The following KCNQ5 variants were observed in gnomAD, a reference collection of about 807,000 sequenced individuals.
KCNQ5 encodes the protein potassium voltage-gated channel subfamily KQT member 5.
KCNQ5 carries 30 observed loss-of-function variants against 98.2 expected under a neutral mutation model. The observed-to-expected ratio is 0.31, with a 90% CI of 0.23 to 0.41. KCNQ5 has a LOEUF of 0.41. Among genes scored for constraint, KCNQ5 ranks in the 10% least tolerant of loss-of-function variants. KCNQ5 has a pLI of 1.00. For synonymous variants in KCNQ5, 458 were observed against 449.4 expected (o/e 1.02, Z -0.24); for missense variants, 835 against 1,182.5 (o/e 0.71, Z 4.31).
At chr6:73,040,904 G>A (rs557603390) in intron 2 of KCNQ5, among the ~76,000 whole-genome samples, 1 of 152,188 alleles carries the variant, frequency 6.6e-6, no homozygotes, top group South Asian at 2.1e-4. Flanking sequence ...AGGTTAGAAT[G>A]TTTACTTTCT....
intron 1 of KCNQ5, among the ~76,000 whole-genome samples, chr6:72,772,378 G>T (rs1772943064): frequency 6.6e-6 from 1 of 152,076 alleles, no homozygotes; most frequent in South Asian, 2.1e-4. Context: ...TAATGAACAA[G>T]TTTTAGAGAG....
rs565054587 is a variant in KCNQ5 at position 72,975,239 on chromosome 6, AT to A, written c.399-28658del. Among the ~76,000 whole-genome samples, 226 of 146,788 alleles carry A rather than the reference AT, an allele frequency of 1.5e-3. 2 individuals are homozygous for A. The highest frequency in any genetic ancestry group is 6.8e-4 in the Admixed American group (10 of 14,640). On this transcript the variant is annotated intron_variant, in intron 1 of 13. Coordinates refer to ENST00000370398, the MANE Select transcript of KCNQ5 (RefSeq NM_019842.4). ...TACCTACATAAAATCATCAACTTCA[AT>A]TTTTTTTTTTGGTCACAAAAAAAAG... is the stretch of plus-strand genomic sequence containing the variant.
intron 1 of KCNQ5, among the ~76,000 whole-genome samples, chr6:72,813,843 G>A (rs10943065): frequency 0.2 from 30,367 of 152,046 alleles, 3,247 homozygotes; most frequent in South Asian, 0.37. Context: ...TTGTTGCAAT[G>A]TTATTATTTT....
chr6:73,141,485 G>T (rs550817104), intron 10 of KCNQ5, among the ~76,000 whole-genome samples: 50 of 152,284 alleles, frequency 3.3e-4, no homozygotes, highest in African/African-American at 9.1e-4. Flanking sequence ...TCTAATCCAA[G>T]TGCTCTTTGT....
chr6:73,120,052 G>C (rs995552174), intron 7 of KCNQ5, among the ~76,000 whole-genome samples: 4 of 147,430 alleles, frequency 2.7e-5, no homozygotes, highest in Non-Finnish European at 4.5e-5. Flanking sequence ...AGCCTGGCCA[G>C]CATGGTGAAA....
At chr6:73,069,573 T>C (rs1773216655) in intron 3 of KCNQ5, among the ~76,000 whole-genome samples, 2 of 152,092 alleles carry the variant, frequency 1.3e-5, no homozygotes, top group African/African-American at 4.8e-5. Context: ...TAGCTTACTA[T>C]AGAAGAGACC....
intron 5 of KCNQ5, among the ~76,000 whole-genome samples, chr6:73,078,544 G>T (rs2150392622): frequency 6.6e-6 from 1 of 152,286 alleles, no homozygotes; most frequent in East Asian, 1.9e-4. Flanking sequence ...CCAGTAAGAT[G>T]TTAAAACCAG....
At chr6:72,916,558 A>G (rs941743012) in intron 1 of KCNQ5, among the ~76,000 whole-genome samples, 5 of 152,142 alleles carry the variant, frequency 3.3e-5, no homozygotes, top group Admixed American at 3.3e-4. Context: ...CGGAGAAGAA[A>G]AGCATGTTTG....
At chr6:72,818,322 A>G (rs998398432) in intron 1 of KCNQ5, among the ~76,000 whole-genome samples, 3 of 152,078 alleles carry the variant, frequency 2.0e-5, no homozygotes, top group African/African-American at 7.2e-5. Context: ...GATTTAATAA[A>G]TTTTCTGAGT....
At chr6:73,005,952 A>T (rs1461914245) in intron 2 of KCNQ5, among the ~76,000 whole-genome samples, 1 of 152,228 alleles carries the variant, frequency 6.6e-6, no homozygotes, top group African/African-American at 2.4e-5. Context: ...AGATTCACAG[A>T]TGAAATTCTT....
chr6:73,156,665 A>G (rs1384389877), intron 10 of KCNQ5, among the ~76,000 whole-genome samples: 1 of 152,238 alleles, frequency 6.6e-6, no homozygotes, highest in East Asian at 1.9e-4. Flanking sequence ...ATGAACTTCT[A>G]GCCCTCACAC....
Position 72,933,989 on chromosome 6 carries a change from G to A in KCNQ5, c.399-69919G>A, listed in dbSNP as rs551369972. On this transcript the variant is annotated intron_variant, in intron 1 of 13. Coordinates refer to ENST00000370398, the MANE Select transcript of KCNQ5 (RefSeq NM_019842.4). Reference sequence around the variant, plus strand: ...ATGTACACCATCTCTGAGCCCAGGAGTTAAAGGCTGCAATGAGCTATGATC... The same window carrying A: ...ATGTACACCATCTCTGAGCCCAGGAATTAAAGGCTGCAATGAGCTATGATC... Among the ~76,000 whole-genome samples the A allele has an allele frequency of 9.8e-5, 15 of 152,290 alleles. No homozygotes were observed. The South Asian group carries it at 3.1e-3, about 32-fold the overall frequency.
At chr6:72,775,847 G>A (rs749144319) in intron 1 of KCNQ5, among the ~76,000 whole-genome samples, 104 of 152,256 alleles carry the variant, frequency 6.8e-4, no homozygotes, top group Middle Eastern at 3.4e-3. Context: ...AACAAGGAAA[G>A]CCTGAGAACT....
intron 7 of KCNQ5, 21 bp downstream of exon 7, chr6:73,111,424 T>A: frequency 6.6e-7 from 1 of 1,513,964 alleles, no homozygotes; most frequent in Non-Finnish European, 9.1e-7. Context: ...ATGTAATAGG[T>A]AGATGGCAAC....
chr6:73,127,868 G>A (rs1179475001), intron 9 of KCNQ5, among the ~76,000 whole-genome samples: 13 of 152,170 alleles, frequency 8.5e-5, no homozygotes, highest in Admixed American at 8.5e-4. Flanking sequence ...TTCGAGACCA[G>A]CCTGGCCAAC....
chr6:72,767,824 G>A (rs1200087609), intron 1 of KCNQ5, among the ~76,000 whole-genome samples: 1 of 151,952 alleles, frequency 6.6e-6, no homozygotes, highest in African/African-American at 2.4e-5. Flanking sequence ...TAGTAAAAAA[G>A]GCAGATAATG....
intron 1 of KCNQ5, chr6:72,987,662 G>A (rs1004244981): frequency 2.1e-5 from 13 of 617,034 alleles, no homozygotes; most frequent in East Asian, 3.9e-5. Context: ...AAGTACAGCC[G>A]CGGAGCCCGT....
chr6:72,925,390 A>G (rs946558189), intron 1 of KCNQ5, among the ~76,000 whole-genome samples: 4 of 152,240 alleles, frequency 2.6e-5, no homozygotes, highest in Non-Finnish European at 4.4e-5. Flanking sequence ...AATGCTTTAT[A>G]TCTCAACTAG....
chr6:72,954,930 T>C (rs1484549182), intron 1 of KCNQ5, among the ~76,000 whole-genome samples: 1 of 152,206 alleles, frequency 6.6e-6, no homozygotes, highest in Non-Finnish European at 1.5e-5. Flanking sequence ...TCACCAGTCT[T>C]GTCAGCTGTT....
Sources: allele counts gnomAD v4.1 joint callset (sites outside exome capture counted in the v4.1 genomes callset), GRCh38; gene constraint gnomAD v4.1.1; transcripts MANE v1.5; gene names NCBI Gene and HGNC (gene_info 2026-07-23, HGNC 2026-07-21).